NBPF12: variants seen among roughly 807,000 people sequenced by gnomAD.
The protein encoded by NBPF12 is NBPF member 12.
Under a neutral mutation model 146.4 loss-of-function variants are expected in NBPF12, and 115 were observed. The ratio of observed to expected loss-of-function variants is 0.79; its 90% confidence interval spans 0.68 to 0.92. The LOEUF (loss-of-function observed/expected upper bound fraction) is 0.92, where lower values mean the gene tolerates loss of function less well. Ranked by LOEUF, NBPF12 falls within the 40% of genes least tolerant of loss-of-function variation. The probability of loss-of-function intolerance (pLI) is 0.00; values close to 1 mark genes in which losing one functional copy is unlikely to be tolerated. For missense variants in NBPF12, 1,205 were observed against 1,326.8 expected (o/e 0.91, Z 1.43); for synonymous variants, 385 against 508.9 (o/e 0.76, Z 3.28).
upstream of NBPF12, among the ~76,000 whole-genome samples, chr1:146,949,094 A>G (rs1371506891): frequency 2.6e-5 from 4 of 152,172 alleles, no homozygotes; most frequent in East Asian, 1.9e-4. Flanking sequence ...GAAACGCCCG[A>G]TAATGATCAA....
chr1:146,981,739 G>T (rs1479752672), intron 19 of NBPF12, among the ~76,000 whole-genome samples: 2 of 151,674 alleles, frequency 1.3e-5, no homozygotes, highest in African/African-American at 2.4e-5. Flanking sequence ...TTTATTGGAG[G>T]CTTGTTCATT....
At chr1:146,965,233 C>A (rs1656113027) in intron 8 of NBPF12, 129 bp downstream of exon 11, 2 of 719,760 alleles carry the variant, frequency 2.8e-6, no homozygotes, top group East Asian at 2.5e-5. Flanking sequence ...GGTGCTGTGA[C>A]TCACACATAT....
At chr1:146,985,954 A>G (rs1657728013) in intron 23 of NBPF12, among the ~76,000 whole-genome samples, 198 bp downstream of exon 26, 1 of 150,788 alleles carries the variant, frequency 6.6e-6, no homozygotes, top group South Asian at 2.1e-4. Flanking sequence ...AACTTACTAT[A>G]GGTTGACCAT....
At chr1:146,965,412 A>G (rs1225103630) in intron 8 of NBPF12, among the ~76,000 whole-genome samples, 1 of 150,778 alleles carries the variant, frequency 6.6e-6, no homozygotes, top group African/African-American at 2.5e-5. Context: ...AGGTGGGAGG[A>G]TGGGCTGAGA....
chr1:146,943,753 G>C (rs1220593789), intron 2 of NBPF12, among the ~76,000 whole-genome samples, 191 bp downstream of exon 2: 1 of 151,894 alleles, frequency 6.6e-6, no homozygotes, highest in Non-Finnish European at 1.5e-5. Flanking sequence ...TGGACTTGTA[G>C]TGCCATGGTC....
intron 1 of NBPF12, among the ~76,000 whole-genome samples, chr1:146,949,930 A>C (rs1320149869): frequency 6.6e-6 from 1 of 151,792 alleles, no homozygotes; most frequent in Admixed American, 6.6e-5. Context: ...CAGCCACACA[A>C]AGCTCTGTCA....
In NBPF12 at chr1:146,986,163, G is replaced by T. The variant is rs1468474026; in HGVS notation, c.2892-189G>T. On this transcript the variant is annotated intron_variant, in intron 23 of 33. Coordinates refer to ENST00000617844, the Ensembl canonical transcript of NBPF12. ...CCTCTCTCTCTCTCTCCCTCTCCCT[G>T]TCTTCTCTTTCATTCTTTTCTACCT... Among the ~76,000 whole-genome samples the T allele has an allele frequency of 9.0e-5, 13 of 144,462 alleles. No homozygotes were observed. In the Admixed American group the frequency reaches 9.8e-4, roughly 11 times the overall value. 94.8% of individuals were successfully genotyped at this position (144,462 alleles called of 152,430 possible).
chr1:146,970,989 C>T (rs1656574023), intron 12 of NBPF12, among the ~76,000 whole-genome samples, 194 bp from the exon 16 acceptor site: 1 of 151,406 alleles, frequency 6.6e-6, no homozygotes, highest in Non-Finnish European at 1.5e-5. Flanking sequence ...CTGCTCTCTT[C>T]CTCTCTGGCT....
exon 14 of NBPF12, chr1:146,972,815 C>A (rs1553886783): frequency 2.9e-6 from 4 of 1,371,236 alleles, no homozygotes; most frequent in Middle Eastern, 2.5e-4. Context: ...CTTTGTCCAG[C>A]GAGAAGGCAG....
At chr1:146,972,950 G>T in exon 14 of NBPF12, 1 of 923,604 alleles carries the variant, frequency 1.1e-6, no homozygotes, top group Non-Finnish European at 1.8e-6. Flanking sequence ...CCAAGCAGCA[G>T]AACAAATACA....
upstream of NBPF12, among the ~76,000 whole-genome samples, chr1:146,938,577 C>T (rs1489486828): frequency 6.6e-6 from 1 of 151,964 alleles, no homozygotes; most frequent in East Asian, 1.9e-4. Context: ...GGCCCGAACC[C>T]GTTGTGCGGT....
chr1:146,985,156 G>A (rs1214604067), intron 22 of NBPF12, among the ~76,000 whole-genome samples, 171 bp downstream of exon 25: 98 of 135,618 alleles, frequency 7.2e-4, no homozygotes, highest in African/African-American at 2.6e-3. Context: ...CCCAGACAAG[G>A]GATGGGTCAG....
intron 31 of NBPF12, among the ~76,000 whole-genome samples, chr1:146,992,466 G>C (rs1206134651): frequency 0.085 from 3,505 of 41,262 alleles, 13 homozygotes; most frequent in African/African-American, 0.11. Context: ...CTCTCTCTGT[G>C]TGTGTGTGTG....
chr1:146,950,103 A>G (rs1478388559), intron 1 of NBPF12, among the ~76,000 whole-genome samples: 1 of 152,028 alleles, frequency 6.6e-6, no homozygotes, highest in Admixed American at 6.5e-5. Context: ...CAGAAATTCC[A>G]TCTACCACAG....
intron 6 of NBPF12, among the ~76,000 whole-genome samples, 191 bp downstream of exon 9, chr1:146,963,500 C>T (rs1413052403): frequency 1.3e-5 from 2 of 152,012 alleles, no homozygotes; most frequent in Non-Finnish European, 2.9e-5. Context: ...CCCAGTATTG[C>T]AAGTGTCCCT....
At chr1:146,964,393 A>T in exon 7 of NBPF12, 1 of 1,602,980 alleles carries the variant, frequency 6.2e-7, no homozygotes, top group Admixed American at 1.7e-5. Context: ...GTTCAAGTTG[A>T]GGAGGATGAG....
exon 5 of NBPF12, chr1:146,962,198 G>C: frequency 6.2e-7 from 1 of 1,608,760 alleles, no homozygotes; most frequent in Non-Finnish European, 8.5e-7. Context: ...AATTTATGCT[G>C]AGGAATGAGC....
rs1392095544 is a variant in NBPF12, at chr1:146,962,148, G to T, written c.176-13G>T. On this transcript the variant is annotated splice_polypyrimidine_tract_variant and intron_variant, in intron 4 of 33. Coordinates refer to ENST00000617844, the Ensembl canonical transcript of NBPF12. ...GCCTTCCACTGAGGCAGGCGTGTCT[G>T]TCTTTTTCTCAGAGTATGAAGAGTG... 1.9e-6 allele frequency: 3 copies of T among 1,608,522 alleles called. No individual in the cohort carries two copies. The highest frequency in any genetic ancestry group is 2.5e-6 in the Non-Finnish European group (3 of 1,177,804).
chr1:146,938,648 C>T (rs1440058998), upstream of NBPF12: 7 of 151,552 alleles, frequency 4.6e-5, 1 homozygote, highest in African/African-American at 1.5e-4. Context: ...TCCTTTTCTC[C>T]GCCCGCGGCC....
Sources: gnomAD v4.1 joint callset for allele counts (sites outside exome capture counted in the v4.1 genomes callset) on GRCh38, gnomAD v4.1.1 for gene constraint, MANE v1.5 for transcripts, NCBI Gene and HGNC (gene_info 2026-07-23, HGNC 2026-07-21) for gene names.